EYA1: variants seen among roughly 807,000 people sequenced by gnomAD.
EYA1 encodes the protein protein phosphatase EYA1.
In EYA1, 16 loss-of-function variants were observed where a neutral mutation model predicts 82.0. The observed-to-expected ratio is 0.20, with a 90% CI of 0.13 to 0.30. The LOEUF (loss-of-function observed/expected upper bound fraction) is 0.30, where lower values mean the gene tolerates loss of function less well. Among genes scored for constraint, EYA1 ranks in the 10% least tolerant of loss-of-function variants. The pLI, the probability that EYA1 is intolerant of heterozygous loss-of-function variation, is 1.00. For synonymous variants in EYA1, 261 were observed against 264.4 expected, an observed-to-expected ratio of 0.99 and a Z score of 0.12; for missense variants, 633 against 730.7, an observed-to-expected ratio of 0.87 and a Z score of 1.54.
intron 7 of EYA1, among the ~76,000 whole-genome samples, chr8:71,308,955 G>T (rs560002607): frequency 1.3e-5 from 2 of 152,224 alleles, no homozygotes; most frequent in Non-Finnish European, 2.9e-5. Context: ...CTTTGCCATG[G>T]GCTATGTCCA....
At chr8:71,331,837 C>CT (rs1379865216) in intron 4 of EYA1, among the ~76,000 whole-genome samples, 5 of 151,908 alleles carry the variant, frequency 3.3e-5, no homozygotes, top group Admixed American at 2.0e-4. Flanking sequence ...AACACTATTG[C>CT]TTTTTTGTTT....
At chr8:71,528,007 T>C (rs896765378) in intron 2 of EYA1, among the ~76,000 whole-genome samples, 11 of 151,086 alleles carry the variant, frequency 7.3e-5, no homozygotes, top group African/African-American at 2.7e-4. Flanking sequence ...CCCTCACACA[T>C]AAAAAAACAA....
chr8:71,359,320 A>G (rs1300940827), intron 1 of EYA1, among the ~76,000 whole-genome samples: 1 of 152,150 alleles, frequency 6.6e-6, no homozygotes, highest in Non-Finnish European at 1.5e-5. Flanking sequence ...AACCTCACAT[A>G]GTACTTCGCC....
At chr8:71,417,415 A>G (rs1366145737) in intron 2 of EYA1, among the ~76,000 whole-genome samples, 1 of 152,238 alleles carries the variant, frequency 6.6e-6, no homozygotes, top group African/African-American at 2.4e-5. Context: ...AGTTCTAGAA[A>G]TTAGAACATG....
intron 2 of EYA1, among the ~76,000 whole-genome samples, chr8:71,471,931 C>T (rs1013686991): frequency 6.6e-6 from 1 of 152,052 alleles, no homozygotes; most frequent in African/African-American, 2.4e-5. Context: ...CACAAAATCA[C>T]TGTTTGTATG....
At chr8:71,434,058 A>G (rs1183976467) in intron 2 of EYA1, among the ~76,000 whole-genome samples, 1 of 152,166 alleles carries the variant, frequency 6.6e-6, no homozygotes, top group East Asian at 1.9e-4. Flanking sequence ...CATTTTGCTA[A>G]TGGATTGGAT....
intron 11 of EYA1, among the ~76,000 whole-genome samples, chr8:71,267,893 TAAAC>T (rs1399661459): frequency 5.3e-5 from 8 of 152,158 alleles, no homozygotes; most frequent in Non-Finnish European, 8.8e-5. Flanking sequence ...AAAACTAAAC[TAAAC>T]AAACAAACAA....
chr8:71,229,302 CTCAA>C (rs1345466489), intron 12 of EYA1, among the ~76,000 whole-genome samples: 2 of 152,110 alleles, frequency 1.3e-5, no homozygotes. Flanking sequence ...AACCCACAGT[CTCAA>C]TAATAACTAC....
At chr8:71,381,891 A>G (rs1268055919) in intron 2 of EYA1, among the ~76,000 whole-genome samples, 1 of 152,232 alleles carries the variant, frequency 6.6e-6, no homozygotes, top group Non-Finnish European at 1.5e-5. Flanking sequence ...CTAAGCCTTT[A>G]CAACAATTAA....
At chr8:71,330,078 AGCAAGGCGG>A (rs1255312263) in intron 4 of EYA1, among the ~76,000 whole-genome samples, 1 of 152,190 alleles carries the variant, frequency 6.6e-6, no homozygotes, top group Non-Finnish European at 1.5e-5. Context: ...AAGAACAGTA[AGCAAGGCGG>A]GCAGGCAACA....
intron 2 of EYA1, among the ~76,000 whole-genome samples, chr8:71,440,643 A>G (rs1268879034): frequency 6.6e-6 from 1 of 152,198 alleles, no homozygotes; most frequent in African/African-American, 2.4e-5. Context: ...TCCAGTGGGT[A>G]TAAGGTGTCC....
intron 2 of EYA1, among the ~76,000 whole-genome samples, chr8:71,459,488 T>G (rs2129187941): frequency 6.6e-6 from 1 of 152,324 alleles, no homozygotes; most frequent in East Asian, 1.9e-4. Context: ...GAATGATCCA[T>G]GAAAGTGCCT....
chr8:71,343,533 T>C (rs1032029999), intron 3 of EYA1, among the ~76,000 whole-genome samples: 3 of 152,176 alleles, frequency 2.0e-5, no homozygotes, highest in Admixed American at 6.5e-5. Flanking sequence ...TGAACTAGCA[T>C]GTTAACATGC....
chr8:71,318,267 T>C (rs960749671), intron 6 of EYA1, among the ~76,000 whole-genome samples: 4 of 152,130 alleles, frequency 2.6e-5, no homozygotes, highest in Admixed American at 6.6e-5. Flanking sequence ...TTCCTGAATA[T>C]CTAGGTCCTA....
intron 2 of EYA1, among the ~76,000 whole-genome samples, chr8:71,372,785 A>G (rs556664052): frequency 6.8e-4 from 104 of 152,272 alleles, no homozygotes; most frequent in Non-Finnish European, 1.1e-3. Flanking sequence ...ATTATACACC[A>G]TGACCAAGTG....
chr8:71,395,296 C>T (rs1488198277), intron 2 of EYA1, among the ~76,000 whole-genome samples: 4 of 152,206 alleles, frequency 2.6e-5, no homozygotes, highest in Non-Finnish European at 1.5e-5. Context: ...TTTCTCTTGC[C>T]TGATTGCCCT....
intron 9 of EYA1, among the ~76,000 whole-genome samples, chr8:71,289,897 C>CT (rs1368097074): frequency 6.6e-6 from 1 of 152,066 alleles, no homozygotes; most frequent in Non-Finnish European, 1.5e-5. Flanking sequence ...GTATAGTACT[C>CT]TATTATTTGT....
intron 2 of EYA1, among the ~76,000 whole-genome samples, chr8:71,508,397 C>G (rs540215633): frequency 2.0e-5 from 3 of 152,266 alleles, no homozygotes; most frequent in South Asian, 4.1e-4. Flanking sequence ...CCTCAGCCCC[C>G]CAAGTAGCTG....
chr8:71,475,574 T>G (rs2129205954), intron 2 of EYA1, among the ~76,000 whole-genome samples: 1 of 152,326 alleles, frequency 6.6e-6, no homozygotes, highest in Non-Finnish European at 1.5e-5. Context: ...TTATTTCCTT[T>G]TCATTGTCCC....
Sources: allele counts gnomAD v4.1 joint callset (sites outside exome capture counted in the v4.1 genomes callset), GRCh38; gene constraint gnomAD v4.1.1; transcripts MANE v1.5; gene names NCBI Gene and HGNC (gene_info 2026-07-23, HGNC 2026-07-21).